Variants in ABAT observed in about 807,000 individuals in gnomAD.
ABAT encodes the protein 4-aminobutyrate aminotransferase, mitochondrial.
ABAT carries 45 observed loss-of-function variants against 64.6 expected under a neutral mutation model. That is an observed-to-expected ratio of 0.70 (90% confidence interval 0.55 to 0.89). The LOEUF is 0.89. ABAT is among the 40% of genes least tolerant of loss of function. The probability of loss-of-function intolerance (pLI) is 0.00; values close to 1 mark genes in which losing one functional copy is unlikely to be tolerated. For synonymous variants in ABAT, 297 were observed against 250.5 expected (o/e 1.19, Z -1.75); for missense variants, 633 against 658.4 (o/e 0.96, Z 0.42).
intron 1 of ABAT, chr16:8,720,594 G>C (rs951291978): frequency 2.6e-5 from 4 of 152,300 alleles, no homozygotes; most frequent in African/African-American, 9.6e-5. Flanking sequence ...CTCTGTCCCT[G>C]TGCCACTGCC....
In ABAT at chr16:8,745,697, C is replaced by CA. The variant is rs369352401; in HGVS notation, c.71-295dup. Among the ~76,000 whole-genome samples the CA allele has an allele frequency of 3.5e-4, 53 of 149,448 alleles. No homozygotes were observed. The South Asian group carries it at 4.5e-3, about 13-fold the overall frequency. ...TGGGCAATAGAGCAAGACTCTGTCT[C>CA]AAAAAAAAATGAATAAATAAATACA... On this transcript the variant is annotated intron_variant, in intron 2 of 15. Transcript: ENST00000268251.
At chr16:8,695,612 C>G (rs1361721764) in intron 1 of ABAT, among the ~76,000 whole-genome samples, 1 of 152,202 alleles carries the variant, frequency 6.6e-6, no homozygotes, top group East Asian at 1.9e-4. Flanking sequence ...TCAGTGATGT[C>G]TGGAAATCAG....
intron 1 of ABAT, among the ~76,000 whole-genome samples, chr16:8,678,742 A>G (rs1033382377): frequency 3.9e-5 from 6 of 152,228 alleles, no homozygotes; most frequent in Admixed American, 1.3e-4. Flanking sequence ...GGATTACAGT[A>G]TATGCATTCA....
At chr16:8,689,910 C>G (rs1041372157) in intron 1 of ABAT, among the ~76,000 whole-genome samples, 1 of 152,152 alleles carries the variant, frequency 6.6e-6, no homozygotes, top group Non-Finnish European at 1.5e-5. Context: ...GACCTCAAGG[C>G]CTTTAAACTA....
chr16:8,720,927 G>A (rs1474767667), intron 1 of ABAT: 1 of 152,318 alleles, frequency 6.6e-6, no homozygotes, highest in Non-Finnish European at 1.5e-5. Context: ...AAGCAGCGGA[G>A]TAGAAAGGTG....
At chr16:8,685,591 G>A (rs571192643) in intron 1 of ABAT, among the ~76,000 whole-genome samples, 4 of 151,502 alleles carry the variant, frequency 2.6e-5, no homozygotes, top group East Asian at 2.0e-4. Flanking sequence ...CAGGAGAATC[G>A]CTTGAACCCG....
At chr16:8,726,087 C>G (rs764155211) in intron 1 of ABAT, among the ~76,000 whole-genome samples, 1 of 152,042 alleles carries the variant, frequency 6.6e-6, no homozygotes, top group Non-Finnish European at 1.5e-5. Flanking sequence ...CCGCCACTAC[C>G]CTTCCCAGCC....
At chr16:8,780,552 A>C (rs1057369244) in intron 15 of ABAT, 3 of 155,916 alleles carry the variant, frequency 1.9e-5, no homozygotes, top group African/African-American at 7.2e-5. Context: ...AGCTGAAGTC[A>C]GGAGTTCGAG....
intron 4 of ABAT, among the ~76,000 whole-genome samples, chr16:8,749,386 C>CTTTTTTTTTTTTTTTT (rs1160144275): frequency 3.1e-5 from 1 of 31,984 alleles, no homozygotes; most frequent in Non-Finnish European, 5.5e-5. Context: ...CGCACCCGGC[C>CTTTTTTTTTTTTTTTT]TTTTTTTTTT....
At chr16:8,773,201 G>A (rs192497396) in intron 12 of ABAT, among the ~76,000 whole-genome samples, 1 of 150,924 alleles carries the variant, frequency 6.6e-6, no homozygotes, top group African/African-American at 2.4e-5. Context: ...ACCCAGGCTG[G>A]AGTGCAGTGG....
At chr16:8,738,600 T>C (rs537810352) in intron 2 of ABAT, 12 of 345,860 alleles carry the variant, frequency 3.5e-5, no homozygotes, top group African/African-American at 2.3e-4. Context: ...CTTTTTTCTT[T>C]TTTGTTTTTG....
chr16:8,711,786 AGATG>A (rs59128291), intron 1 of ABAT, among the ~76,000 whole-genome samples: 3,137 of 137,034 alleles, frequency 0.023, 139 homozygotes, highest in African/African-American at 0.078. Context: ...ATGGATGGGA[AGATG>A]GATGGATGGA....
chr16:8,702,325 T>C (rs1567275735), intron 1 of ABAT, among the ~76,000 whole-genome samples: 2 of 152,036 alleles, frequency 1.3e-5, no homozygotes, highest in Non-Finnish European at 2.9e-5. Context: ...CGATCTTGGC[T>C]CACTGCAACC....
At chr16:8,686,116 A>G (rs1467055941) in intron 1 of ABAT, among the ~76,000 whole-genome samples, 1 of 152,064 alleles carries the variant, frequency 6.6e-6, no homozygotes, top group East Asian at 1.9e-4. Flanking sequence ...CCGGCAGGAC[A>G]GGGCTGTTTT....
At chr16:8,703,404 C>A (rs1427264897) in intron 1 of ABAT, among the ~76,000 whole-genome samples, 3 of 151,740 alleles carry the variant, frequency 2.0e-5, no homozygotes, top group Non-Finnish European at 4.4e-5. Context: ...TGCAGTGAAC[C>A]AAAATCGTGC....
chr16:8,768,159 A>G (rs1033978532), intron 9 of ABAT, 34 bp from the exon 10 acceptor site: 2 of 1,604,388 alleles, frequency 1.2e-6, no homozygotes, highest in Admixed American at 1.7e-5. Flanking sequence ...CATCCTTACA[A>G]CTATGACTAA....
intron 2 of ABAT, among the ~76,000 whole-genome samples, chr16:8,740,521 T>C (rs1265880168): frequency 6.6e-6 from 1 of 152,136 alleles, no homozygotes; most frequent in Non-Finnish European, 1.5e-5. Flanking sequence ...ACAGAGCCGC[T>C]TACAATGTGG....
Position 8,764,851 on chromosome 16 carries a change from A to G in ABAT, c.540+21A>G, listed in dbSNP as rs1427146329. The G allele has an allele frequency of 6.3e-7, 1 of 1,584,842 alleles. No individual in the cohort carries two copies. Among genetic ancestry groups the G allele is most frequent in the Non-Finnish European group, 8.7e-7 (1 of 1,154,020 alleles). ...ACCGGGTGAGGTTTGGGGCACACAC[A>G]CACACACACACACAGGCTCCCCAGC... is the stretch of plus-strand genomic sequence containing the variant. On this transcript the variant is annotated intron_variant, in intron 8 of 15. Transcript: ENST00000268251. The surrounding 1 kb of genome is among the most constrained non-coding windows in gnomAD (Gnocchi z 4.2).
Position 8,746,117 on chromosome 16 carries a change from A to G in ABAT, c.168+19A>G. On this transcript the variant is annotated intron_variant, in intron 3 of 15. Transcript: ENST00000268251. ...ATCTCAGGTGAGTTGAGCACACCTGAGTGGGGTATTTTGGAAAAGGGAAAA... is the reference window on the plus strand; with the variant it reads ...ATCTCAGGTGAGTTGAGCACACCTGGGTGGGGTATTTTGGAAAAGGGAAAA... 1.3e-6 allele frequency: 2 copies of G among 1,598,474 alleles called. No individual in the cohort carries two copies. Among genetic ancestry groups the G allele is most frequent in the Non-Finnish European group, 1.7e-6 (2 of 1,166,974 alleles).
Sources: gnomAD v4.1 joint callset for allele counts (sites outside exome capture counted in the v4.1 genomes callset) on GRCh38, gnomAD v4.1.1 for gene constraint, Gnocchi (gnomAD v3.1) non-coding constraint, MANE v1.5 for transcripts, NCBI Gene and HGNC (gene_info 2026-07-23, HGNC 2026-07-21) for gene names.